ELMO1: variants seen among roughly 807,000 people sequenced by gnomAD.
ELMO1 encodes the protein engulfment and cell motility protein 1.
ELMO1 carries 26 observed loss-of-function variants against 98.9 expected under a neutral mutation model. The ratio of observed to expected loss-of-function variants is 0.26; its 90% confidence interval spans 0.19 to 0.36. ELMO1 has a LOEUF of 0.36. Ranked by LOEUF, ELMO1 falls within the 10% of genes least tolerant of loss-of-function variation. The probability of loss-of-function intolerance (pLI) is 1.00; values close to 1 mark genes in which losing one functional copy is unlikely to be tolerated. For synonymous variants in ELMO1, 346 were observed against 346.0 expected (o/e 1.00, Z 0.00); for missense variants, 627 against 935.2 (o/e 0.67, Z 4.30).
At chr7:36,903,436 C>A (rs2129060430) in intron 16 of ELMO1, among the ~76,000 whole-genome samples, 1 of 152,344 alleles carries the variant, frequency 6.6e-6, no homozygotes, top group Non-Finnish European at 1.5e-5. Context: ...ACAGTCCAGT[C>A]ACAGAGTAAT....
intron 16 of ELMO1, among the ~76,000 whole-genome samples, chr7:36,934,461 T>C (rs1786333451): frequency 6.6e-6 from 1 of 150,634 alleles, no homozygotes; most frequent in South Asian, 2.1e-4. Flanking sequence ...CTGCTGAGAG[T>C]GCCTTCCCAG....
At chr7:37,175,620 C>T (rs1790457713) in intron 13 of ELMO1, among the ~76,000 whole-genome samples, 1 of 152,138 alleles carries the variant, frequency 6.6e-6, no homozygotes, top group South Asian at 2.1e-4. Flanking sequence ...CCAAGGCAGG[C>T]AGATTGCCTG....
intron 1 of ELMO1, among the ~76,000 whole-genome samples, chr7:37,413,148 A>T (rs56243102): frequency 0.17 from 25,260 of 151,410 alleles, 2,225 homozygotes; most frequent in South Asian, 0.26. Flanking sequence ...TGTTTTTTTT[A>T]ATTTTAACTG....
intron 16 of ELMO1, among the ~76,000 whole-genome samples, chr7:37,003,328 G>C (rs1792816243): frequency 6.6e-6 from 1 of 152,194 alleles, no homozygotes. Flanking sequence ...TTTGAGATGA[G>C]CATGGGCAAC....
chr7:36,856,205 G>C (rs1217240797), intron 21 of ELMO1, among the ~76,000 whole-genome samples: 2 of 152,190 alleles, frequency 1.3e-5, no homozygotes, highest in Admixed American at 1.3e-4. Context: ...ATGGCTCCTA[G>C]TCTAGTAGCT....
chr7:37,236,740 A>C (rs1371100398), intron 7 of ELMO1, among the ~76,000 whole-genome samples: 2 of 152,212 alleles, frequency 1.3e-5, no homozygotes, highest in Non-Finnish European at 2.9e-5. Flanking sequence ...AAGGATGGCC[A>C]TGCTAAAATT....
At chr7:36,859,904 C>T (rs1037243487) in intron 21 of ELMO1, among the ~76,000 whole-genome samples, 1 of 152,054 alleles carries the variant, frequency 6.6e-6, no homozygotes. Context: ...CCACCTCTTC[C>T]ACCTCTCTAG....
chr7:37,418,384 A>T (rs920333202), intron 1 of ELMO1, among the ~76,000 whole-genome samples: 2 of 152,204 alleles, frequency 1.3e-5, no homozygotes, highest in Non-Finnish European at 2.9e-5. Context: ...TACCCCTGAC[A>T]GCAGCCTGCA....
In ELMO1 at chr7:37,222,672, G is replaced by T. The variant is rs1338093767; in HGVS notation, c.723C>A (p.Thr241=). ...HLQGSDQEIQ[T]YTIAVINALF... is the part of the protein sequence containing the mutation. ...GCGCATTAATCACTGCAATAGTATAGGTTTGGATTTCTTGATCTGACCTGT... is the reference window on the plus strand; with the variant it reads ...GCGCATTAATCACTGCAATAGTATATGTTTGGATTTCTTGATCTGACCTGT... The change falls in exon 10 of 22, where the codon ACC becomes ACA. Residue 241 remains threonine (T), a synonymous_variant. Coordinates refer to ENST00000310758, the MANE Select transcript of ELMO1 (RefSeq NM_014800.11). 11 of 1,613,828 alleles carry T rather than the reference G, an allele frequency of 6.8e-6. No individual in the cohort carries two copies. The highest frequency in any genetic ancestry group is 9.3e-6 in the Non-Finnish European group (11 of 1,179,906).
chr7:37,425,602 G>A (rs1396152717), intron 1 of ELMO1, among the ~76,000 whole-genome samples: 1 of 152,200 alleles, frequency 6.6e-6, no homozygotes, highest in Non-Finnish European at 1.5e-5. Context: ...AATGACATAA[G>A]CTCTGCCAAC....
intron 4 of ELMO1, among the ~76,000 whole-genome samples, chr7:37,301,668 G>A (rs1289327587): frequency 6.6e-6 from 1 of 151,482 alleles, no homozygotes; most frequent in East Asian, 1.9e-4. Flanking sequence ...CAACAAAGCA[G>A]TCACTTTTAT....
At chr7:37,402,724 T>C (rs956194507) in intron 1 of ELMO1, among the ~76,000 whole-genome samples, 1 of 152,210 alleles carries the variant, frequency 6.6e-6, no homozygotes, top group Non-Finnish European at 1.5e-5. Flanking sequence ...TCTCACCCAG[T>C]AGAACACACT....
intron 1 of ELMO1, among the ~76,000 whole-genome samples, chr7:37,352,321 G>A (rs1010620361): frequency 4.6e-5 from 7 of 152,090 alleles, no homozygotes; most frequent in African/African-American, 9.7e-5. Context: ...ACCTGGTCTC[G>A]AACTCCTGAG....
intron 15 of ELMO1, among the ~76,000 whole-genome samples, chr7:37,075,063 T>C (rs1361658432): frequency 6.6e-6 from 1 of 152,126 alleles, no homozygotes; most frequent in Non-Finnish European, 1.5e-5. Context: ...CAATAAAAGG[T>C]GTGTAACACT....
At chr7:37,356,498 AT>A (rs1801501227) in intron 1 of ELMO1, among the ~76,000 whole-genome samples, 1 of 152,134 alleles carries the variant, frequency 6.6e-6, no homozygotes, top group South Asian at 2.1e-4. Flanking sequence ...GGAAACCATT[AT>A]TCTCAGCAAA....
At chr7:37,320,470 T>C (rs1391924912) in intron 2 of ELMO1, among the ~76,000 whole-genome samples, 7 of 152,166 alleles carry the variant, frequency 4.6e-5, no homozygotes, top group Non-Finnish European at 7.3e-5. Flanking sequence ...TTTGTTGAAA[T>C]GGCCCTCTCC....
intron 14 of ELMO1, among the ~76,000 whole-genome samples, chr7:37,123,351 G>A (rs1786233438): frequency 6.6e-6 from 1 of 152,198 alleles, no homozygotes; most frequent in South Asian, 2.1e-4. Context: ...TCCAGGAGCT[G>A]CTTTTTTGAA....
At chr7:37,097,358 C>A (rs916852820) in intron 14 of ELMO1, among the ~76,000 whole-genome samples, 1 of 151,944 alleles carries the variant, frequency 6.6e-6, no homozygotes, top group East Asian at 1.9e-4. Context: ...GCCAACATGG[C>A]GAATAAAATA....
Position 37,342,070 on chromosome 7 carries a change from C to A in ELMO1, c.78+543G>T, listed in dbSNP as rs990362846. ...ATAAACATTTGTTGAGTATTTACTA[C>A]ATGGCAGACAATATGCTAGACACAT... On this transcript the variant is annotated intron_variant, in intron 2 of 21. Transcript: ENST00000310758. The surrounding 1 kb of genome is among the most constrained non-coding windows in gnomAD (Gnocchi z 4.3). Among the ~76,000 whole-genome samples, 1 of 152,128 alleles carries A rather than the reference C, an allele frequency of 6.6e-6. No individual in the cohort carries two copies. The highest frequency in any genetic ancestry group is 2.4e-5 in the African/African-American group (1 of 41,432).
Sources: allele counts gnomAD v4.1 joint callset (sites outside exome capture counted in the v4.1 genomes callset), GRCh38; gene constraint gnomAD v4.1.1; non-coding constraint Gnocchi (gnomAD v3.1); transcripts MANE v1.5; gene names NCBI Gene and HGNC (gene_info 2026-07-23, HGNC 2026-07-21).